The following CNOT10 variants were observed in gnomAD, a reference collection of about 807,000 sequenced individuals.
The protein encoded by CNOT10 is CCR4-NOT transcription complex subunit 10, also known as CCR4-NOT transcription complex, subunit 10.
Under a neutral mutation model 94.6 loss-of-function variants are expected in CNOT10, and 30 were observed. The ratio of observed to expected loss-of-function variants is 0.32; its 90% CI spans 0.24 to 0.43. CNOT10 has a LOEUF of 0.43. CNOT10 is among the 20% of genes least tolerant of loss of function. The pLI is 1.00. For synonymous variants in CNOT10, 289 were observed against 301.6 expected (o/e 0.96, Z 0.43); for missense variants, 759 against 877.2 (o/e 0.87, Z 1.70).
chr3:32,701,203 A>G (rs1697328023), intron 1 of CNOT10, among the ~76,000 whole-genome samples: 1 of 152,156 alleles, frequency 6.6e-6, no homozygotes, highest in South Asian at 2.1e-4. Context: ...CTGCAGTCCA[A>G]CCTGGGTGAC....
intron 13 of CNOT10, chr3:32,753,267 G>T: frequency 1.2e-6 from 1 of 823,518 alleles, no homozygotes; most frequent in Non-Finnish European, 2.1e-6. Flanking sequence ...TGGATTAAAA[G>T]ATGTCAAGAA....
rs563711111 is a variant in CNOT10, at chr3:32,712,419, AGAAG to A, written c.431-807_431-804del. ...TCCCTTATCCAAAATGCTTGGGACA[AGAAG>A]TGTTTCAGATTTGGGATTTTTTTTA... On this transcript the variant is annotated intron_variant, in intron 4 of 18. Transcript: ENST00000328834. 6.1e-3 allele frequency among the ~76,000 whole-genome samples: 922 copies of A among 152,292 alleles called. 15 individuals are homozygous for A. The highest frequency in any genetic ancestry group is 0.021 in the African/African-American group (884 of 41,584).
rs906555260 is a variant in CNOT10, at chr3:32,759,686, A to T, written c.1709+115A>T. The T allele has an allele frequency of 2.2e-5, 16 of 743,966 alleles. No individual in the cohort carries two copies. In the African/African-American group the frequency reaches 2.5e-4, roughly 11 times the overall value. 46.1% of individuals were successfully genotyped at this position (743,966 alleles called of 1,614,324 possible). A position where few individuals can be genotyped will look rare whatever the true frequency, so the allele number is the denominator to read the frequency against. ...CCAGTGGAATATATATTTGTAAGGA[A>T]AGCAACTGTTTAAAAGAACGTTTTT... On this transcript the variant is annotated intron_variant, in intron 14 of 18. Transcript: ENST00000328834.
chr3:32,752,758 C>A (rs1700019263), intron 13 of CNOT10, among the ~76,000 whole-genome samples: 1 of 152,092 alleles, frequency 6.6e-6, no homozygotes, highest in Non-Finnish European at 1.5e-5. Flanking sequence ...GGCGGATCAC[C>A]TGAGGTCGGG....
chr3:32,769,810 G>T lies in CNOT10; in HGVS notation c.2005-77G>T, dbSNP rs528751821. 56 of 1,128,094 alleles carry T rather than the reference G, an allele frequency of 5.0e-5. No homozygotes were observed. In the East Asian group the frequency reaches 1.2e-3, roughly 23 times the overall value. The allele number at this position is 1,128,094 out of a possible 1,614,324, so 69.9% of individuals were successfully genotyped here. On this transcript the variant is annotated intron_variant, in intron 17 of 18. Coordinates refer to ENST00000328834, the MANE Select transcript of CNOT10 (RefSeq NM_015442.3). Reference sequence around the variant, plus strand: ...TGAGCTTGAATAAGTTTGTTACCTTGTTGGTTGGCAGATGTACTTGGAGTG... The same window carrying T: ...TGAGCTTGAATAAGTTTGTTACCTTTTTGGTTGGCAGATGTACTTGGAGTG...
At chr3:32,705,037 T>C in intron 3 of CNOT10, 65 bp downstream of exon 3, 2 of 1,030,910 alleles carry the variant, frequency 1.9e-6, no homozygotes, top group South Asian at 2.1e-5. Flanking sequence ...GAAACACAAA[T>C]AGTTAAGGAA....
intron 12 of CNOT10, among the ~76,000 whole-genome samples, chr3:32,736,765 A>G (rs191381762): frequency 2.6e-5 from 4 of 152,300 alleles, no homozygotes; most frequent in African/African-American, 9.6e-5. Flanking sequence ...CAACAGTCTC[A>G]AAAACCCAGT....
chr3:32,737,534 C>A, intron 13 of CNOT10, 44 bp downstream of exon 13: 1 of 1,282,484 alleles, frequency 7.8e-7, no homozygotes, highest in Non-Finnish European at 1.1e-6. Context: ...TTGAAATGAA[C>A]ATATTCATGG....
intron 9 of CNOT10, among the ~76,000 whole-genome samples, chr3:32,726,268 T>TA (rs1311692451): frequency 2.0e-5 from 3 of 152,192 alleles, no homozygotes; most frequent in African/African-American, 7.2e-5. Context: ...TGCAGAGTTT[T>TA]ACATGTGATA....
intron 6 of CNOT10, among the ~76,000 whole-genome samples, chr3:32,716,836 G>T (rs535009057): frequency 2.0e-5 from 3 of 152,194 alleles, no homozygotes; most frequent in South Asian, 4.1e-4. Context: ...TTTTAGTAGA[G>T]ACAGGGTTTC....
chr3:32,753,065 T>G (rs1281313205), intron 13 of CNOT10: 2 of 511,344 alleles, frequency 3.9e-6, no homozygotes, highest in Non-Finnish European at 7.7e-6. Context: ...GTCAAAGAGC[T>G]TATTGTCACA....
At chr3:32,748,926 A>C (rs563649941) in intron 13 of CNOT10, among the ~76,000 whole-genome samples, 2 of 151,664 alleles carry the variant, frequency 1.3e-5, no homozygotes, top group Non-Finnish European at 2.9e-5. Flanking sequence ...GGTTCAAGCA[A>C]TTCTCCTGTC....
In CNOT10 at chr3:32,725,561, A is replaced by G. The variant is rs1282124764; in HGVS notation, c.974A>G (p.Asn325Ser). The G allele has an allele frequency of 3.1e-6, 5 of 1,614,042 alleles. No homozygotes were observed. The highest frequency in any genetic ancestry group is 1.3e-5 in the African/African-American group (1 of 74,938). Residue 325 changes from asparagine (N) to serine (S), a missense_variant, in exon 9 of 19, where the codon AAT becomes AGT. By Grantham distance (46) the Asn-to-Ser change is conservative (BLOSUM62 1). This residue lies in a region of CNOT10 where 682 missense variants were observed against 799.4 expected (regional missense o/e 0.85). Transcript: ENST00000328834. The part of the protein sequence containing the change: ...YFKKALQEND[N>S]VCAQLSAGST... ...AAAAAGGCTCTGCAAGAGAATGACA[A>G]TGTCTGTGCACAGCTCAGTGCAGGT...
chr3:32,735,797 A>G (rs116659228), intron 12 of CNOT10, among the ~76,000 whole-genome samples: 1,790 of 152,280 alleles, frequency 0.012, 18 homozygotes, highest in Non-Finnish European at 0.021. Context: ...TTAATATACT[A>G]TAATCACTAA....
chr3:32,727,833 TA>T lies in CNOT10; in HGVS notation c.1179del (p.Arg394GlyfsTer40). 1 of 1,613,564 alleles carries T rather than the reference TA, an allele frequency of 6.2e-7. No homozygotes were observed. Among genetic ancestry groups the T allele is most frequent in the Non-Finnish European group, 8.5e-7 (1 of 1,179,922 alleles). On this transcript the variant is annotated frameshift_variant, in exon 10 of 19. Transcript: ENST00000328834. LOFTEE classifies it high-confidence loss of function. Reference protein sequence around the residue: ...QVYHANPRLWLRLAECCIAAN... With the variant: ...QVYHANPRLWXRLAECCIAAN... ...TATCATGCAAATCCTCGCCTCTGGC[TA>T]CGGCTGGCTGAATGCTGCATTGCTG...
chr3:32,752,859 G>T (rs571805086), intron 13 of CNOT10: 13 of 281,552 alleles, frequency 4.6e-5, no homozygotes, highest in Middle Eastern at 1.4e-3. Context: ...AGTGGCGGAG[G>T]TGGTAACTAC....
intron 14 of CNOT10, among the ~76,000 whole-genome samples, chr3:32,761,500 C>T (rs1700443140): frequency 6.6e-6 from 1 of 152,150 alleles, no homozygotes; most frequent in Non-Finnish European, 1.5e-5. Context: ...TCAGGCGATT[C>T]TCCTGCCTCA....
chr3:32,727,717 A>G lies in CNOT10; in HGVS notation c.1062A>G (p.Arg354=), dbSNP rs1232415649. ...TGTGTACGTTACTAACCAATAAGAG[A>G]TATGAGTTGCTGTATAACTGTGGAA... The part of the protein sequence containing the change: ...RPMCTLLTNK[R]YELLYNCGIQ... The change falls in exon 10 of 19, where the codon AGA becomes AGG. Residue 354 remains arginine (R), a synonymous_variant. Transcript: ENST00000328834. 1 of 1,614,098 alleles carries G rather than the reference A, an allele frequency of 6.2e-7. No individual in the cohort carries two copies. Among genetic ancestry groups the G allele is most frequent in the Admixed American group, 1.7e-5 (1 of 60,014 alleles).
chr3:32,691,565 C>G (rs565551148), intron 1 of CNOT10, among the ~76,000 whole-genome samples: 55 of 152,202 alleles, frequency 3.6e-4, no homozygotes, highest in African/African-American at 1.3e-3. Context: ...CCTCGGCCTC[C>G]CAAAGTGCCG....
Sources: allele counts gnomAD v4.1 joint callset (sites outside exome capture counted in the v4.1 genomes callset), GRCh38; gene constraint gnomAD v4.1.1; regional missense constraint gnomAD v4.1.1; transcripts MANE v1.5; gene names NCBI Gene and HGNC (gene_info 2026-07-23, HGNC 2026-07-21).